OSBPL6: variants seen among roughly 807,000 people sequenced by gnomAD.
OSBPL6 encodes the protein oxysterol-binding protein-related protein 6.
In OSBPL6, 49 loss-of-function variants were observed where a neutral mutation model predicts 125.8. That is an observed-to-expected ratio of 0.39 (90% CI 0.31 to 0.49). OSBPL6 has a LOEUF of 0.49. Among genes scored for constraint, OSBPL6 ranks in the 20% least tolerant of loss-of-function variants. OSBPL6 has a pLI of 0.88. For missense variants in OSBPL6, 986 were observed against 1,135.4 expected, an observed-to-expected ratio of 0.87 and a Z score of 1.89; for synonymous variants, 394 against 391.8, an observed-to-expected ratio of 1.01 and a Z score of -0.07.
chr2:178,349,524 T>C (rs1386044197), intron 12 of OSBPL6, 135 bp downstream of exon 12: 9 of 1,037,280 alleles, frequency 8.7e-6, no homozygotes, highest in Non-Finnish European at 1.1e-5. Context: ...AAGTTCTATA[T>C]ACAAAAATGC....
intron 15 of OSBPL6, among the ~76,000 whole-genome samples, chr2:178,378,713 G>A (rs1321230539): frequency 6.6e-6 from 1 of 152,212 alleles, no homozygotes; most frequent in African/African-American, 2.4e-5. Flanking sequence ...TCTTTGTGCA[G>A]GGTAGCGTGA....
rs553412822 is a variant in OSBPL6 at position 178,396,980 on chromosome 2, C to A, written c.*1421C>A. ...ATTTTCCTAGGGAATTATAAAATTA[C>A]ATATATTTTATTGTTAGTTAGATGT... On this transcript the variant is annotated 3_prime_UTR_variant, in exon 25 of 25. Transcript: ENST00000190611. 6.6e-6 allele frequency: 1 copy of A among 152,168 alleles called. No individual in the cohort carries two copies. The highest frequency in any genetic ancestry group is 6.5e-5 in the Admixed American group (1 of 15,268). 9.4% of individuals were successfully genotyped at this position (152,168 alleles called of 1,614,324 possible).
chr2:178,258,094 G>A (rs2091942229), intron 1 of OSBPL6, among the ~76,000 whole-genome samples: 2 of 151,332 alleles, frequency 1.3e-5, no homozygotes, highest in Admixed American at 1.3e-4. Context: ...CTGGCTTAAA[G>A]CTCTAGTTTT....
chr2:178,266,829 C>T (rs537038887), intron 1 of OSBPL6, among the ~76,000 whole-genome samples: 1 of 152,248 alleles, frequency 6.6e-6, no homozygotes, highest in African/African-American at 2.4e-5. Context: ...ATTGTGGGGT[C>T]CAAGCTTTTT....
chr2:178,196,293 A>T (rs1306707106), intron 1 of OSBPL6, among the ~76,000 whole-genome samples: 1 of 151,886 alleles, frequency 6.6e-6, no homozygotes, highest in Non-Finnish European at 1.5e-5. Context: ...GTAGGAGTTC[A>T]TATATTTTTT....
At chr2:178,268,591 T>C (rs1442430139) in intron 1 of OSBPL6, among the ~76,000 whole-genome samples, 2 of 152,226 alleles carry the variant, frequency 1.3e-5, no homozygotes, top group African/African-American at 4.8e-5. Flanking sequence ...CACACATTAG[T>C]GCAGCCTGTC....
chr2:178,231,597 G>A (rs2090819781), intron 1 of OSBPL6, among the ~76,000 whole-genome samples: 1 of 150,034 alleles, frequency 6.7e-6, no homozygotes, highest in South Asian at 2.1e-4. Flanking sequence ...ACCAATATGA[G>A]CAGCCCTTTC....
At position 178,306,302 on chromosome 2, in the gene OSBPL6, T is replaced by TA; in HGVS notation, c.102+18dup. Reference sequence around the variant, plus strand: ...CAGTAGGCAGGTAAGAGAAGAGCATTAAGTGCCTTTGGTTGTTTTATGCAA... The same window carrying TA: ...CAGTAGGCAGGTAAGAGAAGAGCATTAAAGTGCCTTTGGTTGTTTTATGCAA... On this transcript the variant is annotated intron_variant, in intron 3 of 24. Coordinates refer to ENST00000190611, the MANE Select transcript of OSBPL6 (RefSeq NM_032523.4). The TA allele has an allele frequency of 6.7e-7, 1 of 1,503,730 alleles. No homozygotes were observed. The allele number at this position is 1,503,730 out of a possible 1,614,324, so 93.1% of individuals were successfully genotyped here. A position where few individuals can be genotyped will look rare whatever the true frequency, so the allele number is the denominator to read the frequency against.
chr2:178,204,185 A>G (rs1443338300), intron 1 of OSBPL6, among the ~76,000 whole-genome samples: 1 of 151,914 alleles, frequency 6.6e-6, no homozygotes, highest in Admixed American at 6.6e-5. Flanking sequence ...CACCACACCC[A>G]GGTAAGTTTT....
chr2:178,336,516 C>T (rs1248842850), intron 9 of OSBPL6, 83 bp downstream of exon 9: 39 of 1,480,498 alleles, frequency 2.6e-5, no homozygotes, highest in Non-Finnish European at 3.4e-5. Context: ...ATGAGTGCTA[C>T]ATCTTTTACC....
intron 1 of OSBPL6, among the ~76,000 whole-genome samples, chr2:178,243,881 G>A (rs1023385097): frequency 1.3e-5 from 2 of 152,172 alleles, no homozygotes; most frequent in African/African-American, 4.8e-5. Context: ...TTGAACTCCT[G>A]ATCTCGTGAT....
chr2:178,357,635 G>A (rs937207314), intron 12 of OSBPL6, among the ~76,000 whole-genome samples: 7 of 152,172 alleles, frequency 4.6e-5, no homozygotes, highest in African/African-American at 1.7e-4. Context: ...CACTGTTTGT[G>A]GAAGTGTAAA....
intron 1 of OSBPL6, among the ~76,000 whole-genome samples, chr2:178,234,496 A>G (rs963412491): frequency 1.3e-5 from 2 of 152,228 alleles, no homozygotes; most frequent in African/African-American, 4.8e-5. Context: ...AAAAATGTAC[A>G]GGGAGGTACT....
At chr2:178,254,871 T>C (rs1163762164) in intron 1 of OSBPL6, among the ~76,000 whole-genome samples, 2 of 152,252 alleles carry the variant, frequency 1.3e-5, no homozygotes, top group South Asian at 2.1e-4. Context: ...GTTCTCATGA[T>C]GCTACATACC....
chr2:178,225,834 A>G (rs1345967940), intron 1 of OSBPL6, among the ~76,000 whole-genome samples: 1 of 152,224 alleles, frequency 6.6e-6, no homozygotes, highest in Non-Finnish European at 1.5e-5. Context: ...TTCATGATTC[A>G]GTCATCTCCC....
rs533152748 is a variant in OSBPL6, at chr2:178,379,038, G to A, written c.1534-3382G>A. Among the ~76,000 whole-genome samples the A allele has an allele frequency of 7.9e-5, 12 of 152,106 alleles. No individual in the cohort carries two copies. The East Asian group carries it at 1.7e-3, about 22-fold the overall frequency. ...ATAAAATAATTAGCTGGGCATGGTGGTGCATACCTGTGGTCCCAGCTCCTT... is the reference window on the plus strand; with the variant it reads ...ATAAAATAATTAGCTGGGCATGGTGATGCATACCTGTGGTCCCAGCTCCTT... On this transcript the variant is annotated intron_variant, in intron 15 of 24. Coordinates refer to ENST00000190611, the MANE Select transcript of OSBPL6 (RefSeq NM_032523.4).
At chr2:178,310,829 T>G (rs1271490108) in intron 3 of OSBPL6, among the ~76,000 whole-genome samples, 1 of 152,198 alleles carries the variant, frequency 6.6e-6, no homozygotes, top group Non-Finnish European at 1.5e-5. Flanking sequence ...AATCCAGGAA[T>G]CATCCTTTTG....
chr2:178,247,430 G>C (rs866333486), intron 1 of OSBPL6, among the ~76,000 whole-genome samples: 27 of 152,128 alleles, frequency 1.8e-4, no homozygotes, highest in Middle Eastern at 6.8e-3. Flanking sequence ...GCAGCTGTTT[G>C]GTTTCGTTCT....
intron 1 of OSBPL6, among the ~76,000 whole-genome samples, chr2:178,194,958 C>G (rs1174392093): frequency 6.6e-6 from 1 of 152,172 alleles, no homozygotes; most frequent in Non-Finnish European, 1.5e-5. Context: ...CCCTCCCCCT[C>G]GTTGCCAGGG....
Sources: allele counts gnomAD v4.1 joint callset (sites outside exome capture counted in the v4.1 genomes callset), GRCh38; gene constraint gnomAD v4.1.1; transcripts MANE v1.5; gene names NCBI Gene and HGNC (gene_info 2026-07-23, HGNC 2026-07-21).